RAB4A: variants seen among roughly 807,000 people sequenced by gnomAD.
RAB4A encodes the protein RAB4A, member RAS oncogene family.
A neutral mutation model predicts 34.5 loss-of-function variants in RAB4A; 20 were observed. The ratio of observed to expected loss-of-function variants is 0.58; its 90% CI spans 0.41 to 0.84. The LOEUF is 0.84. Ranked by LOEUF, RAB4A falls within the 40% of genes least tolerant of loss-of-function variation. The pLI is 0.00. For missense variants in RAB4A, 228 were observed against 274.5 expected, an observed-to-expected ratio of 0.83 and a Z score of 1.20; for synonymous variants, 102 against 100.0, an observed-to-expected ratio of 1.02 and a Z score of -0.12.
At position 229,305,346 on chromosome 1, in the gene RAB4A, A is replaced by G. The variant is rs375638118; in HGVS notation, c.*1553A>G. ...TTTTGAACAGCTTTTTGCATGGGAT[A>G]GGAGCATGTCTATTCTAACACATCA... On this transcript the variant is annotated 3_prime_UTR_variant, in exon 8 of 8. Coordinates refer to ENST00000366690, the MANE Select transcript of RAB4A (RefSeq NM_004578.4). 2.8e-5 allele frequency: 42 copies of G among 1,502,832 alleles called. 1 individual carries two copies. Among genetic ancestry groups the G allele is most frequent in the East Asian group, 1.9e-4 (8 of 42,638 alleles). The allele number at this position is 1,502,832 out of a possible 1,614,324, so 93.1% of individuals were successfully genotyped here.
chr1:229,293,163 C>T (rs1287156677), intron 3 of RAB4A, among the ~76,000 whole-genome samples: 3 of 152,312 alleles, frequency 2.0e-5, no homozygotes, highest in South Asian at 2.1e-4. Context: ...GCTTAGGAGA[C>T]GAGGTATGGG....
At chr1:229,289,088 AC>A in intron 3 of RAB4A, 1 of 421,378 alleles carries the variant, frequency 2.4e-6, no homozygotes, top group Non-Finnish European at 4.2e-6. Context: ...TCGGAGGCTG[AC>A]CCATTCTCAG....
chr1:229,273,876 A>G (rs1656568785), intron 1 of RAB4A, among the ~76,000 whole-genome samples: 1 of 152,162 alleles, frequency 6.6e-6, no homozygotes, highest in Non-Finnish European at 1.5e-5. Context: ...ATTGTTCCTT[A>G]AAAGTGAAAC....
chr1:229,289,773 G>A (rs1253836040), intron 3 of RAB4A, among the ~76,000 whole-genome samples: 3 of 152,140 alleles, frequency 2.0e-5, no homozygotes, highest in Non-Finnish European at 4.4e-5. Context: ...CTGAGATCAC[G>A]CCATTGTACT....
At chr1:229,303,640 TC>T (rs924836540) in intron 7 of RAB4A, among the ~76,000 whole-genome samples, 165 bp from the exon 8 acceptor site, 1 of 152,208 alleles carries the variant, frequency 6.6e-6, no homozygotes, top group African/African-American at 2.4e-5. Flanking sequence ...TCTTCTTTTT[TC>T]CCATTTACCA....
chr1:229,271,415 G>T, intron 1 of RAB4A, 45 bp downstream of exon 1: 2 of 1,200,062 alleles, frequency 1.7e-6, no homozygotes, highest in East Asian at 3.5e-5. Context: ...GGCCGCGGGG[G>T]GCGTCGGTGG....
At chr1:229,300,995 T>C (rs1008341494) in intron 6 of RAB4A, among the ~76,000 whole-genome samples, 1 of 152,154 alleles carries the variant, frequency 6.6e-6, no homozygotes, top group South Asian at 2.1e-4. Flanking sequence ...GGAGTGTTCA[T>C]TATGTAATGT....
At chr1:229,274,913 A>G (rs1187035907) in intron 1 of RAB4A, among the ~76,000 whole-genome samples, 1 of 152,244 alleles carries the variant, frequency 6.6e-6, no homozygotes, top group Non-Finnish European at 1.5e-5. Flanking sequence ...TGCTGGTTCT[A>G]TGCTCATTTT....
At chr1:229,290,283 G>T (rs1421842383) in intron 3 of RAB4A, among the ~76,000 whole-genome samples, 2 of 152,158 alleles carry the variant, frequency 1.3e-5, no homozygotes, top group Non-Finnish European at 2.9e-5. Flanking sequence ...CCACCTGAGG[G>T]CATGGGGTCA....
At chr1:229,295,708 T>C in intron 3 of RAB4A, 140 bp from the exon 4 acceptor site, 1 of 753,752 alleles carries the variant, frequency 1.3e-6, no homozygotes, top group Non-Finnish European at 2.2e-6. Flanking sequence ...TTCAAATATC[T>C]TTGAATCATT....
intron 3 of RAB4A, among the ~76,000 whole-genome samples, chr1:229,295,566 G>A (rs1054289221): frequency 2.0e-5 from 3 of 152,168 alleles, no homozygotes; most frequent in African/African-American, 7.2e-5. Flanking sequence ...GGTGGTGCTG[G>A]CTTCCGCAGA....
intron 6 of RAB4A, among the ~76,000 whole-genome samples, chr1:229,301,618 G>GC (rs1396037153): frequency 6.6e-6 from 1 of 151,732 alleles, no homozygotes; most frequent in Non-Finnish European, 1.5e-5. Context: ...TCCAAGATGT[G>GC]TTTTTTTCTG....
At chr1:229,272,877 A>G (rs1656532285) in intron 1 of RAB4A, among the ~76,000 whole-genome samples, 1 of 152,210 alleles carries the variant, frequency 6.6e-6, no homozygotes. Context: ...ATCTGTTCCT[A>G]GAAGGCGTAG....
intron 4 of RAB4A, among the ~76,000 whole-genome samples, chr1:229,296,130 G>A (rs553381472): frequency 6.6e-6 from 1 of 152,336 alleles, no homozygotes; most frequent in East Asian, 1.9e-4. Flanking sequence ...TGTTTGTAAG[G>A]TTTTAGGTGG....
Position 229,273,623 on chromosome 1 carries a change from C to T in RAB4A, c.31+2253C>T, listed in dbSNP as rs150255190. ...GGGCATGGTGGTACGCTTGTAGTCC[C>T]GGCTACTTGGGAGGCTGAGGCATGA... On this transcript the variant is annotated intron_variant, in intron 1 of 7. Transcript: ENST00000366690. Among the ~76,000 whole-genome samples, 499 of 152,220 alleles carry T rather than the reference C, an allele frequency of 3.3e-3. 3 individuals carry two copies. The highest frequency in any genetic ancestry group is 3.5e-3 in the Non-Finnish European group (239 of 68,026).
chr1:229,298,161 T>A (rs1023298444), intron 5 of RAB4A, among the ~76,000 whole-genome samples: 3 of 152,220 alleles, frequency 2.0e-5, no homozygotes, highest in Non-Finnish European at 4.4e-5. Flanking sequence ...GATAAGAGAA[T>A]GATTTTTTAA....
intron 1 of RAB4A, among the ~76,000 whole-genome samples, chr1:229,285,463 A>G (rs1571826982): frequency 6.6e-6 from 1 of 152,200 alleles, no homozygotes; most frequent in Non-Finnish European, 1.5e-5. Flanking sequence ...GCCAAGCATC[A>G]GTAAAGGAAC....
At position 229,299,005 on chromosome 1, in the gene RAB4A, C is replaced by A. The variant is rs772720341; in HGVS notation, c.474C>A (p.Leu158=). ...NELMFLETSA[L]TGENVEEAFV... The stretch of plus-strand genomic sequence containing the variant: ...TGATGTTTTTGGAAACAAGTGCGCT[C>A]ACAGGGGAGAATGTAGAAGAGGCTT... The change falls in exon 6 of 8, where the codon CTC becomes CTA. Residue 158 remains leucine, a synonymous_variant. Coordinates refer to ENST00000366690, the MANE Select transcript of RAB4A (RefSeq NM_004578.4). 1 of 1,610,804 alleles carries A rather than the reference C, an allele frequency of 6.2e-7. No individual in the cohort carries two copies. The highest frequency in any genetic ancestry group is 8.5e-7 in the Non-Finnish European group (1 of 1,179,286).
Position 229,271,356 on chromosome 1 carries a change from T to A in RAB4A, c.17T>A (p.Met6Lys). 1 of 1,282,174 alleles carries A rather than the reference T, an allele frequency of 7.8e-7. No individual in the cohort carries two copies. Among genetic ancestry groups the A allele is most frequent in the South Asian group, 2.5e-5 (1 of 40,624 alleles). The allele number at this position is 1,282,174 out of a possible 1,614,324, so 79.4% of individuals were successfully genotyped here. A position where few individuals can be genotyped will look rare whatever the true frequency, so the allele number is the denominator to read the frequency against. MSQTA[M>K]SETYDFLFKF... The stretch of plus-strand genomic sequence containing the variant: ...GCTCCCAAGATGTCGCAGACGGCCA[T>A]GTCCGAAACCTACGGTACGAGGCCC... Residue 6 changes from methionine (M) to lysine (K), a missense_variant, in exon 1 of 8, where the codon ATG (methionine) becomes AAG (lysine). Coordinates refer to ENST00000366690, the MANE Select transcript of RAB4A (RefSeq NM_004578.4).
Sources: allele counts gnomAD v4.1 joint callset (sites outside exome capture counted in the v4.1 genomes callset), GRCh38; gene constraint gnomAD v4.1.1; transcripts MANE v1.5; gene names NCBI Gene and HGNC (gene_info 2026-07-23, HGNC 2026-07-21).